The following LHFPL6 variants were observed in gnomAD, a reference collection of about 807,000 sequenced individuals.
LHFPL6 encodes LHFPL tetraspan subfamily member 6.
In LHFPL6, 9 loss-of-function variants were observed where a neutral mutation model predicts 20.6. The observed-to-expected ratio is 0.44, with a 90% CI of 0.26 to 0.76. The LOEUF (loss-of-function observed/expected upper bound fraction) is 0.76, where lower values mean the gene tolerates loss of function less well. LHFPL6 is among the 30% of genes least tolerant of loss of function. The pLI, the probability that LHFPL6 is intolerant of heterozygous loss-of-function variation, is 0.20. For missense variants in LHFPL6, 218 were observed against 253.5 expected (o/e 0.86, Z 0.95); for synonymous variants, 105 against 98.7 (o/e 1.06, Z -0.38).
chr13:39,504,167 A>G (rs1370096090), intron 2 of LHFPL6, among the ~76,000 whole-genome samples: 1 of 152,208 alleles, frequency 6.6e-6, no homozygotes, highest in African/African-American at 2.4e-5. Flanking sequence ...TATCTGTAGC[A>G]CAGAATAATG....
intron 2 of LHFPL6, among the ~76,000 whole-genome samples, chr13:39,452,778 G>GTT (rs548110634): frequency 1.0e-3 from 155 of 152,314 alleles, no homozygotes; most frequent in African/African-American, 3.5e-3. Context: ...GTGAAAAACA[G>GTT]ACATATCCAT....
chr13:39,529,847 T>C (rs1226648916), intron 2 of LHFPL6, among the ~76,000 whole-genome samples: 3 of 152,140 alleles, frequency 2.0e-5, no homozygotes, highest in Admixed American at 1.3e-4. Flanking sequence ...AACACACGGA[T>C]AAAGTAATCA....
chr13:39,473,789 A>G (rs1873009993), intron 2 of LHFPL6, among the ~76,000 whole-genome samples: 1 of 152,228 alleles, frequency 6.6e-6, no homozygotes, highest in Admixed American at 6.5e-5. Flanking sequence ...GTGCTGGCAA[A>G]GAGCAACTTT....
At chr13:39,497,303 AG>A (rs922707982) in intron 2 of LHFPL6, among the ~76,000 whole-genome samples, 12 of 152,204 alleles carry the variant, frequency 7.9e-5, no homozygotes, top group Non-Finnish European at 1.5e-4. Context: ...CATGAGGGAA[AG>A]GTCAAGGTGA....
intron 2 of LHFPL6, among the ~76,000 whole-genome samples, chr13:39,590,082 T>C (rs1466362221): frequency 6.6e-6 from 1 of 152,192 alleles, no homozygotes; most frequent in Non-Finnish European, 1.5e-5. Context: ...TTTAATATTA[T>C]GGTGATAGTA....
At chr13:39,558,854 A>G (rs9548821) in intron 2 of LHFPL6, among the ~76,000 whole-genome samples, 52,510 of 152,158 alleles carry the variant, frequency 0.35, 10,122 homozygotes, top group Non-Finnish European at 0.43. Flanking sequence ...CTGTTTGCAT[A>G]TATTTAAGTA....
chr13:39,596,439 T>C (rs1175409693), intron 2 of LHFPL6, among the ~76,000 whole-genome samples: 2 of 152,152 alleles, frequency 1.3e-5, no homozygotes, highest in African/African-American at 2.4e-5. Context: ...CCTGAAAACA[T>C]GTTAGACGTG....
At chr13:39,364,749 C>T (rs1225291259) in intron 3 of LHFPL6, among the ~76,000 whole-genome samples, 3 of 152,102 alleles carry the variant, frequency 2.0e-5, no homozygotes, top group Non-Finnish European at 4.4e-5. Context: ...TGGTTTGCTG[C>T]ACCCTTCAAC....
intron 2 of LHFPL6, among the ~76,000 whole-genome samples, chr13:39,515,993 C>T (rs1869899534): frequency 6.6e-6 from 1 of 152,124 alleles, no homozygotes; most frequent in African/African-American, 2.4e-5. Context: ...TGGTACTCAA[C>T]TTGATATATT....
At chr13:39,456,939 G>A (rs1206200033) in intron 2 of LHFPL6, among the ~76,000 whole-genome samples, 1 of 152,032 alleles carries the variant, frequency 6.6e-6, no homozygotes, top group Non-Finnish European at 1.5e-5. Flanking sequence ...TGGGACTACA[G>A]GCATGAGCCA....
intron 3 of LHFPL6, among the ~76,000 whole-genome samples, chr13:39,359,504 G>A (rs556179223): frequency 2.6e-5 from 4 of 152,080 alleles, no homozygotes; most frequent in African/African-American, 4.8e-5. Flanking sequence ...CATAAAGGCC[G>A]TTTTCCTAAG....
chr13:39,389,675 G>GTGGCAA (rs1255538266), intron 2 of LHFPL6, among the ~76,000 whole-genome samples: 10 of 152,164 alleles, frequency 6.6e-5, no homozygotes, highest in Non-Finnish European at 1.5e-4. Context: ...GGCAGACAGT[G>GTGGCAA]GCATGTTATG....
chr13:39,505,695 G>T (rs1869453648), intron 2 of LHFPL6, among the ~76,000 whole-genome samples: 1 of 152,138 alleles, frequency 6.6e-6, no homozygotes, highest in Non-Finnish European at 1.5e-5. Context: ...GTCAAACAAG[G>T]TTTGGGGGTG....
chr13:39,351,262 G>A (rs1479567059), intron 3 of LHFPL6, among the ~76,000 whole-genome samples: 1 of 152,198 alleles, frequency 6.6e-6, no homozygotes, highest in East Asian at 1.9e-4. Context: ...TACAAGTTAT[G>A]AAGGGGTCTC....
At chr13:39,482,154 T>C (rs1019035136) in intron 2 of LHFPL6, among the ~76,000 whole-genome samples, 1 of 152,138 alleles carries the variant, frequency 6.6e-6, no homozygotes, top group Non-Finnish European at 1.5e-5. Context: ...ATAAAAAGTA[T>C]AAATAGCCAC....
chr13:39,411,088 C>G (rs1470392474), intron 2 of LHFPL6, among the ~76,000 whole-genome samples: 3 of 152,164 alleles, frequency 2.0e-5, no homozygotes, highest in Non-Finnish European at 2.9e-5. Flanking sequence ...AAACACATGT[C>G]TGCACGGGTA....
At chr13:39,527,218 A>ATGCT (rs1275202888) in intron 2 of LHFPL6, among the ~76,000 whole-genome samples, 2 of 152,198 alleles carry the variant, frequency 1.3e-5, no homozygotes, top group Non-Finnish European at 2.9e-5. Flanking sequence ...TGACTGTAAG[A>ATGCT]TGCTTGCATT....
At chr13:39,426,862 T>A (rs1240207643) in intron 2 of LHFPL6, among the ~76,000 whole-genome samples, 1 of 152,172 alleles carries the variant, frequency 6.6e-6, no homozygotes, top group East Asian at 1.9e-4. Context: ...TTTTCTCCCA[T>A]GTTTGCTTAT....
At chr13:39,537,071 T>C (rs1417983071) in intron 2 of LHFPL6, among the ~76,000 whole-genome samples, 1 of 152,232 alleles carries the variant, frequency 6.6e-6, no homozygotes, top group African/African-American at 2.4e-5. Flanking sequence ...TTCCTACTGA[T>C]GGCAACCCTT....
Sources: gnomAD v4.1 joint callset for allele counts (sites outside exome capture counted in the v4.1 genomes callset) on GRCh38, gnomAD v4.1.1 for gene constraint, MANE v1.5 for transcripts, NCBI Gene and HGNC (gene_info 2026-07-23, HGNC 2026-07-21) for gene names.